CAPNS1: variants seen among roughly 807,000 people sequenced by gnomAD.
CAPNS1 encodes the protein calpain small subunit 1, also known as CANP small subunit.
A neutral mutation model predicts 39.2 loss-of-function variants in CAPNS1; 32 were observed. The ratio of observed to expected loss-of-function variants is 0.82; its 90% CI spans 0.62 to 1.10. The LOEUF is 1.10. CAPNS1 is among the 50% of genes least tolerant of loss of function. The pLI, the probability that CAPNS1 is intolerant of heterozygous loss-of-function variation, is 0.00. For missense variants in CAPNS1, 353 were observed against 373.1 expected, an observed-to-expected ratio of 0.95 and a Z score of 0.44; for synonymous variants, 153 against 136.2, an observed-to-expected ratio of 1.12 and a Z score of -0.86.
At chr19:36,146,121 C>A in intron 8 of CAPNS1, 67 bp downstream of exon 8, 2 of 1,585,788 alleles carry the variant, frequency 1.3e-6, no homozygotes, top group South Asian at 2.2e-5. Context: ...CTCAGCTGGT[C>A]TGGGCCTGAC....
chr19:36,144,126 G>A (rs1974480149), intron 6 of CAPNS1: 1 of 145,112 alleles, frequency 6.9e-6, no homozygotes, highest in Admixed American at 7.0e-5. Flanking sequence ...GCAGTGAGCC[G>A]AGATCGCGCC....
chr19:36,142,609 C>T (rs1974416731), intron 3 of CAPNS1, 43 bp from the exon 4 acceptor site: 1 of 1,558,022 alleles, frequency 6.4e-7, no homozygotes, highest in Non-Finnish European at 8.8e-7. Context: ...GCCGTCCTGG[C>T]CGGGTTCCCC....
chr19:36,149,225 T>C (rs532133670), intron 9 of CAPNS1, among the ~76,000 whole-genome samples: 122 of 152,372 alleles, frequency 8.0e-4, no homozygotes, highest in African/African-American at 2.8e-3. Context: ...TTTCCTGTTT[T>C]TAATTTTTAG....
intron 3 of CAPNS1, 126 bp from the exon 4 acceptor site, chr19:36,142,526 C>T: frequency 1.3e-6 from 1 of 760,536 alleles, no homozygotes; most frequent in African/African-American, 1.7e-5. Context: ...TTCACTACCA[C>T]CCCTCATTCT....
Position 36,147,383 on chromosome 19 carries a change from TG to T in CAPNS1, c.721+1076del, listed in dbSNP as rs544855281. Reference sequence around the variant, plus strand: ...CATGCAGGATTGTGGGTGCCAAGTTTGGGGGTGCTCAAACTCTACCAGAGAC... The same window carrying T: ...CATGCAGGATTGTGGGTGCCAAGTTTGGGGTGCTCAAACTCTACCAGAGAC... On this transcript the variant is annotated intron_variant, in intron 9 of 10. Transcript: ENST00000246533. Among the ~76,000 whole-genome samples, 18 of 152,208 alleles carry T rather than the reference TG, an allele frequency of 1.2e-4. No individual in the cohort carries two copies. In the East Asian group the frequency reaches 3.1e-3, roughly 26 times the overall value.
rs973261996 is a variant in CAPNS1 at position 36,149,968 on chromosome 19, T to C, written c.*129T>C. The C allele has an allele frequency of 1.9e-5, 17 of 872,354 alleles. No individual in the cohort carries two copies. Among genetic ancestry groups the C allele is most frequent in the Middle Eastern group, 3.8e-4 (1 of 2,638 alleles). The allele number at this position is 872,354 out of a possible 1,614,324, so 54.0% of individuals were successfully genotyped here. On this transcript the variant is annotated 3_prime_UTR_variant, in exon 11 of 11. Transcript: ENST00000246533. ...CCTGCTGACCCACAAGCTTTTGTTC[T>C]CTCAGTACTTGTTACCCAGCTTCTC... is the stretch of plus-strand genomic sequence containing the variant.
At chr19:36,142,267 T>C in intron 2 of CAPNS1, 33 bp from the exon 3 acceptor site, 1 of 1,536,068 alleles carries the variant, frequency 6.5e-7, no homozygotes, top group Non-Finnish European at 9.0e-7. Context: ...GCCCCGCCCC[T>C]GGCACTAACC....
chr19:36,142,091 G>A (rs150185157), intron 2 of CAPNS1, among the ~76,000 whole-genome samples: 40 of 152,306 alleles, frequency 2.6e-4, no homozygotes, highest in African/African-American at 9.4e-4. Context: ...GTTTCCTCGA[G>A]GGTGGGGTTG....
At chr19:36,141,804 C>G in intron 2 of CAPNS1, 1 of 196,950 alleles carries the variant, frequency 5.1e-6, no homozygotes, top group South Asian at 8.1e-5. Context: ...TAGCAGTGAT[C>G]CCTTGAAGGG....
chr19:36,143,278 C>A, intron 6 of CAPNS1, 150 bp downstream of exon 6: 1 of 740,584 alleles, frequency 1.4e-6, no homozygotes, highest in East Asian at 2.5e-5. Flanking sequence ...GGCGGTAAAT[C>A]ATAACAATGC....
At chr19:36,141,605 G>A in intron 2 of CAPNS1, 11 of 1,061,454 alleles carry the variant, frequency 1.0e-5, no homozygotes, top group Non-Finnish European at 1.0e-5. Flanking sequence ...TACGGAAGGG[G>A]CTTGACTTAT....
intron 9 of CAPNS1, among the ~76,000 whole-genome samples, chr19:36,148,656 C>CA (rs1447374088): frequency 6.6e-6 from 1 of 151,358 alleles, no homozygotes; most frequent in Non-Finnish European, 1.5e-5. Context: ...ACTAAAAATA[C>CA]AAAAAAATTA....
chr19:36,144,543 T>C (rs930359646), intron 6 of CAPNS1, among the ~76,000 whole-genome samples: 4 of 152,240 alleles, frequency 2.6e-5, no homozygotes, highest in Non-Finnish European at 4.4e-5. Flanking sequence ...TTTTTATTTA[T>C]TTTTGTTTTA....
intron 3 of CAPNS1, 44 bp downstream of exon 3, chr19:36,142,377 T>C: frequency 9.4e-7 from 1 of 1,061,298 alleles, no homozygotes; most frequent in South Asian, 1.5e-5. Context: ...TGCCAAGGCC[T>C]CTTCGAGGTC....
rs758016950 is a variant in CAPNS1, at chr19:36,146,357, C to T, written c.721+45C>T. On this transcript the variant is annotated intron_variant, in intron 9 of 10. Coordinates refer to ENST00000246533, the MANE Select transcript of CAPNS1 (RefSeq NM_001749.4). ...TCTTCCTGGGTGGGGATTCCTATGACCTCTATGGACCAAGGTCTCCTCTAA... is the reference window on the plus strand; with the variant it reads ...TCTTCCTGGGTGGGGATTCCTATGATCTCTATGGACCAAGGTCTCCTCTAA... The T allele has an allele frequency of 1.9e-5, 23 of 1,231,502 alleles. No individual in the cohort carries two copies. In the South Asian group the frequency reaches 2.8e-4, roughly 15 times the overall value. The allele number at this position is 1,231,502 out of a possible 1,614,324, so 76.3% of individuals were successfully genotyped here.
Position 36,141,122 on chromosome 19 carries a change from GGGCGGCGGCGGCGGCGGC to G in CAPNS1, c.126_143del (p.Gly51_Gly56del), listed in dbSNP as rs536693322. ...TTGGAGGCCTGATCAGCGGGGCCGG[GGGCGGCGGCGGCGGCGGC>G]GGCGGCGGCGGCGGTGGTGGAGGCG... On this transcript the variant is annotated inframe_deletion, in exon 2 of 11. Coordinates refer to ENST00000246533, the MANE Select transcript of CAPNS1 (RefSeq NM_001749.4). 1.1e-4 allele frequency: 147 copies of G among 1,321,514 alleles called. 3 individuals are homozygous for G. The highest frequency in any genetic ancestry group is 1.4e-4 in the Non-Finnish European group (141 of 1,019,334). The allele number at this position is 1,321,514 out of a possible 1,614,324, so 81.9% of individuals were successfully genotyped here.
chr19:36,145,742 C>T (rs17882184), intron 6 of CAPNS1, 64 bp from the exon 7 acceptor site: 44,829 of 1,413,806 alleles, frequency 0.032, 888 homozygotes, highest in Non-Finnish European at 0.035. Context: ...ACCATCGTGT[C>T]CACAGTGCAT....
At position 36,146,248 on chromosome 19, in the gene CAPNS1, T is replaced by A. The variant is rs1369317208; in HGVS notation, c.657T>A (p.Asp219Glu). ...LYNMIIRRYSDESGNMDFDNF... is the reference protein window; with the variant it reads ...LYNMIIRRYSEESGNMDFDNF... ...ACATGATCATCCGACGCTACTCAGA[T>A]GAAAGTGGGAACATGGATTTTGACA... Residue 219 changes from aspartate (D) to glutamate (E), a missense_variant, in exon 9 of 11, where the codon GAT becomes GAA. Asp to Glu is a conservative substitution (Grantham distance 45). Coordinates refer to ENST00000246533, the MANE Select transcript of CAPNS1 (RefSeq NM_001749.4). The A allele has an allele frequency of 1.1e-5, 17 of 1,614,130 alleles. No homozygotes were observed. The highest frequency in any genetic ancestry group is 1.4e-5 in the Non-Finnish European group (17 of 1,179,974).
chr19:36,142,468 T>C, intron 3 of CAPNS1, 135 bp downstream of exon 3: 2 of 687,498 alleles, frequency 2.9e-6, no homozygotes, highest in Non-Finnish European at 5.2e-6. Flanking sequence ...ATGCCGTGTC[T>C]GCAGCTTCGC....
Sources: gnomAD v4.1 joint callset for allele counts (sites outside exome capture counted in the v4.1 genomes callset) on GRCh38, gnomAD v4.1.1 for gene constraint, MANE v1.5 for transcripts, NCBI Gene and HGNC (gene_info 2026-07-23, HGNC 2026-07-21) for gene names.